PFKP: variants seen among roughly 807,000 people sequenced by gnomAD.
PFKP encodes ATP-dependent 6-phosphofructokinase, platelet type.
In PFKP, 101 loss-of-function variants were observed where a neutral mutation model predicts 94.3. The ratio of observed to expected loss-of-function variants is 1.07; its 90% confidence interval spans 0.91 to 1.26. The LOEUF is 1.26. PFKP is among the 50% of genes most tolerant of loss of function. The pLI is 0.00. For missense variants in PFKP, 1,145 were observed against 1,103.3 expected (o/e 1.04, Z -0.53); for synonymous variants, 573 against 432.6 (o/e 1.32, Z -4.03).
chr10:3,075,969 C>T (rs1250930426), intron 1 of PFKP, among the ~76,000 whole-genome samples: 4 of 139,458 alleles, frequency 2.9e-5, no homozygotes, highest in Non-Finnish European at 6.1e-5. Flanking sequence ...CGAGATCGCG[C>T]CACTGCAGTC....
At chr10:3,092,296 A>G (rs562248383) in intron 2 of PFKP, among the ~76,000 whole-genome samples, 1 of 152,312 alleles carries the variant, frequency 6.6e-6, no homozygotes, top group East Asian at 1.9e-4. Context: ...TAACTTATCA[A>G]TGAATTGATT....
At chr10:3,103,741 G>A in intron 4 of PFKP, 38 bp from the exon 5 acceptor site, 1 of 1,610,760 alleles carries the variant, frequency 6.2e-7, no homozygotes. Context: ...ACGCGCCATG[G>A]TTACGGCGAT....
In PFKP at chr10:3,109,359, G is replaced by A; in HGVS notation, c.968G>A (p.Ser323Asn). 1 of 1,609,782 alleles carries A rather than the reference G, an allele frequency of 6.2e-7. No homozygotes were observed. Reference sequence around the variant, plus strand: ...CCACATGGACCTGGTTTCCAGGCCAGCCGCATGGGAGTGGAGGCAGTCATC... The same window carrying A: ...CCACATGGACCTGGTTTCCAGGCCAACCGCATGGGAGTGGAGGCAGTCATC... ...TPSAFDRILA[S>N]RMGVEAVIAL... Residue 323 changes from serine to asparagine, a missense_variant, in exon 10 of 22, where the codon AGC (serine) becomes AAC (asparagine). Coordinates refer to ENST00000381125, the MANE Select transcript of PFKP (RefSeq NM_002627.5).
chr10:3,126,706 C>T (rs1049869054), intron 16 of PFKP, among the ~76,000 whole-genome samples: 1 of 152,260 alleles, frequency 6.6e-6, no homozygotes, highest in Non-Finnish European at 1.5e-5. Flanking sequence ...TACGTTAATG[C>T]TGTAGCAAAC....
chr10:3,135,076 TTAAAC>T (rs1313843969), intron 20 of PFKP, among the ~76,000 whole-genome samples: 3 of 152,230 alleles, frequency 2.0e-5, no homozygotes, highest in African/African-American at 4.8e-5. Flanking sequence ...TAAGAAATCT[TTAAAC>T]TGAAGTTTCA....
At position 3,111,827 on chromosome 10, in the gene PFKP, C is replaced by T. The variant is rs112675999; in HGVS notation, c.1090-395C>T. Among the ~76,000 whole-genome samples, 1,266 of 152,220 alleles carry T rather than the reference C, an allele frequency of 8.3e-3. 15 individuals carry two copies. Among genetic ancestry groups the T allele is most frequent in the African/African-American group, 0.025 (1,028 of 41,550 alleles). ...ACATCCCCCAGTGAGCTGGTGTGTT[C>T]TGTTTTGTTTTTCCCCACCATAATC... On this transcript the variant is annotated intron_variant, in intron 10 of 21. Transcript: ENST00000381125.
intron 1 of PFKP, among the ~76,000 whole-genome samples, chr10:3,077,481 T>C (rs916897955): frequency 6.6e-6 from 1 of 151,858 alleles, no homozygotes; most frequent in Non-Finnish European, 1.5e-5. Flanking sequence ...TTAGCCAGGA[T>C]GGTCTCGATC....
rs184829651 is a variant in PFKP, at chr10:3,105,253, C to T, written c.665+94C>T. 122 of 1,381,288 alleles carry T rather than the reference C, an allele frequency of 8.8e-5. No individual in the cohort carries two copies. In the African/African-American group the frequency reaches 1.5e-3, roughly 17 times the overall value. 85.6% of individuals were successfully genotyped at this position (1,381,288 alleles called of 1,614,324 possible). On this transcript the variant is annotated intron_variant, in intron 6 of 21. Coordinates refer to ENST00000381125, the MANE Select transcript of PFKP (RefSeq NM_002627.5). ...CTGCACCCCACATCCTGAATGCTCC[C>T]GTGGAAAGTCCTGAAGGGGCCGGCA...
rs115633866 is a variant in PFKP at position 3,134,600 on chromosome 10, G to A, written c.2122+18G>A. The A allele has an allele frequency of 1.8e-3, 2,700 of 1,516,892 alleles. 51 individuals are homozygous for A. The African/African-American group carries it at 0.033, about 19-fold the overall frequency. 94.0% of individuals were successfully genotyped at this position (1,516,892 alleles called of 1,614,324 possible). A position where few individuals can be genotyped will look rare whatever the true frequency, so the allele number is the denominator to read the frequency against. On this transcript the variant is annotated intron_variant, in intron 20 of 21. Coordinates refer to ENST00000381125, the MANE Select transcript of PFKP (RefSeq NM_002627.5). ...GGGCAGAGGTAAGGGGTCTGGGGAG[G>A]GAGGCCACAGCCTCGTGATGCAGGC...
intron 1 of PFKP, 39 bp from the exon 2 acceptor site, chr10:3,082,349 C>A: frequency 1.3e-6 from 2 of 1,529,248 alleles, no homozygotes. Flanking sequence ...AGAATTACCC[C>A]GGGCTCTTCA....
Position 3,067,584 on chromosome 10 carries a change from G to T in PFKP, c.-12G>T. On this transcript the variant is annotated 5_prime_UTR_variant, in exon 1 of 22. Coordinates refer to ENST00000381125, the MANE Select transcript of PFKP (RefSeq NM_002627.5). ...CGCACCCGGACGTGCGGCTCCCCTC[G>T]GCCTCCTCGCCATGGACGCGGACGA... 1 of 1,451,454 alleles carries T rather than the reference G, an allele frequency of 6.9e-7. No homozygotes were observed. The allele number at this position is 1,451,454 out of a possible 1,614,324, so 89.9% of individuals were successfully genotyped here. A position where few individuals can be genotyped will look rare whatever the true frequency, so the allele number is the denominator to read the frequency against.
At chr10:3,103,464 T>C (rs887615357) in intron 4 of PFKP, among the ~76,000 whole-genome samples, 2 of 152,070 alleles carry the variant, frequency 1.3e-5, no homozygotes, top group Admixed American at 6.6e-5. Flanking sequence ...CTGGGCAACA[T>C]AGAGTGTGGG....
chr10:3,136,291 T>C (rs1839324116), intron 21 of PFKP, among the ~76,000 whole-genome samples, 159 bp from the exon 22 acceptor site: 1 of 152,172 alleles, frequency 6.6e-6, no homozygotes, highest in Non-Finnish European at 1.5e-5. Context: ...TTTTAAACAA[T>C]GGTTTCATTT....
intron 17 of PFKP, among the ~76,000 whole-genome samples, chr10:3,130,495 C>G (rs1346358269): frequency 6.6e-6 from 1 of 152,172 alleles, no homozygotes; most frequent in Non-Finnish European, 1.5e-5. Flanking sequence ...AGGCCTGGAC[C>G]CTGCAACATT....
Position 3,103,848 on chromosome 10 carries a change from A to G in PFKP, c.524A>G (p.Asp175Gly), listed in dbSNP as rs1835265327. Residue 175 changes from aspartate (D) to glycine (G), a missense_variant, in exon 5 of 22, where the codon GAC (aspartate) becomes GGC (glycine). Around this residue, in one of 3 missense-constraint regions of PFKP, gnomAD observed 1,119 missense variants for 1,062.8 expected, o/e 1.05. Transcript: ENST00000381125. ...GTGGTGGGCATGGTGGGCTCCATCG[A>G]CAATGATTTCTGCGGCACCGACATG... ...LNVVGMVGSIDNDFCGTDMTI... is the reference protein window; with the variant it reads ...LNVVGMVGSIGNDFCGTDMTI... The G allele has an allele frequency of 1.2e-6, 2 of 1,613,926 alleles. No individual in the cohort carries two copies. Among genetic ancestry groups the G allele is most frequent in the Non-Finnish European group, 8.5e-7 (1 of 1,180,034 alleles).
At chr10:3,068,578 T>C in intron 1 of PFKP, 3 of 737,912 alleles carry the variant, frequency 4.1e-6, no homozygotes, top group Non-Finnish European at 5.0e-6. Context: ...AGCTGCTCTC[T>C]AGGAGGGGCC....
At chr10:3,121,229 A>G (rs1040245187) in intron 16 of PFKP, among the ~76,000 whole-genome samples, 51 of 152,074 alleles carry the variant, frequency 3.4e-4, no homozygotes, top group African/African-American at 1.2e-3. Flanking sequence ...TATTTTTGGC[A>G]GTTGCTAATC....
At chr10:3,087,304 C>G (rs1226659800) in intron 2 of PFKP, among the ~76,000 whole-genome samples, 7 of 152,120 alleles carry the variant, frequency 4.6e-5, no homozygotes, top group Non-Finnish European at 2.9e-5. Context: ...TATGTTCTCT[C>G]TGTCTCAGCT....
chr10:3,077,954 G>A (rs141622012), intron 1 of PFKP, among the ~76,000 whole-genome samples: 26 of 152,316 alleles, frequency 1.7e-4, no homozygotes, highest in South Asian at 1.0e-3. Flanking sequence ...ATTACGAAGC[G>A]GTGTTTTTCC....
Sources: allele counts gnomAD v4.1 joint callset (sites outside exome capture counted in the v4.1 genomes callset), GRCh38; gene constraint gnomAD v4.1.1; regional missense constraint gnomAD v4.1.1; transcripts MANE v1.5; gene names NCBI Gene and HGNC (gene_info 2026-07-23, HGNC 2026-07-21).